The following CELF2 variants were observed in gnomAD, a reference collection of about 807,000 sequenced individuals.
CELF2 encodes CUGBP Elav-like family member 2.
Under a neutral mutation model 62.6 loss-of-function variants are expected in CELF2, and 8 were observed. The observed-to-expected ratio is 0.13, with a 90% confidence interval of 0.07 to 0.23. The LOEUF (loss-of-function observed/expected upper bound fraction) is 0.23, where lower values mean the gene tolerates loss of function less well. Ranked by LOEUF, CELF2 falls within the 10% of genes least tolerant of loss-of-function variation. The pLI, the probability that CELF2 is intolerant of heterozygous loss-of-function variation, is 1.00. For missense variants in CELF2, 333 were observed against 671.0 expected (o/e 0.50, Z 5.56); for synonymous variants, 258 against 250.0 (o/e 1.03, Z -0.30).
chr10:11,004,968 T>C, upstream of CELF2: 1 of 822,610 alleles, frequency 1.2e-6, no homozygotes, highest in Non-Finnish European at 1.5e-6. This position sits in a 1 kb window ranked among gnomAD's most constrained non-coding sequence, Gnocchi z 5.0. Context: ...AACTGGGAAA[T>C]TGGTTTTGCT....
the CELF2 span, among the ~76,000 whole-genome samples, chr10:10,589,271 A>G: frequency 6.6e-6 from 1 of 152,258 alleles, no homozygotes; most frequent in Non-Finnish European, 1.5e-5. Context: ...ATACAGGTTT[A>G]TGGAAGCCAA....
intron 8 of CELF2, 88 bp from the exon 9 acceptor site, chr10:11,288,330 T>A (rs1424428395): frequency 1.1e-5 from 17 of 1,528,296 alleles, no homozygotes; most frequent in Non-Finnish European, 1.5e-5. Context: ...TCATCATGTG[T>A]CCTGACGATT....
the CELF2 span, among the ~76,000 whole-genome samples, chr10:10,654,816 G>A: frequency 6.7e-6 from 1 of 150,244 alleles, no homozygotes; most frequent in Non-Finnish European, 1.5e-5. Flanking sequence ...CACAGGACAG[G>A]GATGCCCTCT....
intron 1 of CELF2, among the ~76,000 whole-genome samples, chr10:11,132,897 C>G (rs1241066049): frequency 6.6e-6 from 1 of 152,130 alleles, no homozygotes; most frequent in African/African-American, 2.4e-5. Flanking sequence ...GACCTCAAAA[C>G]AGGATAAATA....
At chr10:10,646,657 G>A in the CELF2 span, among the ~76,000 whole-genome samples, 156 of 152,270 alleles carry the variant, frequency 1.0e-3, no homozygotes, top group Middle Eastern at 3.4e-3. Context: ...ATTACTTCCT[G>A]AGTTTTGTTT....
chr10:10,648,731 TTA>T, the CELF2 span, among the ~76,000 whole-genome samples: 1 of 152,220 alleles, frequency 6.6e-6, no homozygotes, highest in Non-Finnish European at 1.5e-5. Flanking sequence ...ATTTTGTTTC[TTA>T]ATATCCAAGA....
intron 3 of CELF2, among the ~76,000 whole-genome samples, chr10:11,226,878 C>G (rs2066820269): frequency 6.6e-6 from 1 of 152,202 alleles, no homozygotes; most frequent in Non-Finnish European, 1.5e-5. Context: ...TATAAATGCA[C>G]CATCTTTCTT....
chr10:11,180,442 G>A (rs570577146), intron 2 of CELF2, among the ~76,000 whole-genome samples: 2 of 152,302 alleles, frequency 1.3e-5, no homozygotes, highest in Admixed American at 1.3e-4. Flanking sequence ...GATTCAGTGA[G>A]GTCGTGGAGG....
At chr10:10,481,548 C>A in the CELF2 span, among the ~76,000 whole-genome samples, 2,161 of 152,252 alleles carry the variant, frequency 0.014, 31 homozygotes, top group Non-Finnish European at 0.023. Flanking sequence ...CCCCTTGAAG[C>A]TGGATTATTT....
At chr10:11,258,631 G>A (rs1406442075) in intron 5 of CELF2, among the ~76,000 whole-genome samples, 1 of 152,202 alleles carries the variant, frequency 6.6e-6, no homozygotes, top group African/African-American at 2.4e-5. Flanking sequence ...AAAGGCTGAC[G>A]CTGGAGGTTG....
At chr10:11,141,030 T>C (rs1464383914) in intron 1 of CELF2, among the ~76,000 whole-genome samples, 4 of 152,188 alleles carry the variant, frequency 2.6e-5, no homozygotes, top group African/African-American at 9.7e-5. Context: ...AAATAAAGCA[T>C]AGTTGCTAAC....
intron 3 of CELF2, among the ~76,000 whole-genome samples, chr10:11,248,607 CA>C (rs1295389570): frequency 2.0e-5 from 3 of 152,208 alleles, no homozygotes; most frequent in African/African-American, 7.2e-5. Flanking sequence ...ATAGGATGGC[CA>C]GAAAAGTCTG....
intron 4 of CELF2, 160 bp from the exon 5 acceptor site, chr10:11,257,578 C>G (rs757038406): frequency 1.5e-6 from 1 of 648,108 alleles, no homozygotes. Flanking sequence ...CAGGGTGGGG[C>G]GCATGGAGGG....
At chr10:11,232,134 C>T (rs1232352671) in intron 3 of CELF2, among the ~76,000 whole-genome samples, 3 of 151,908 alleles carry the variant, frequency 2.0e-5, no homozygotes, top group Admixed American at 6.6e-5. Context: ...TAATGCTATC[C>T]CTCCCCTCTC....
chr10:11,198,829 C>T (rs770589037), intron 2 of CELF2, among the ~76,000 whole-genome samples: 9 of 152,146 alleles, frequency 5.9e-5, no homozygotes, highest in Non-Finnish European at 1.2e-4. Flanking sequence ...CAAAGATGTT[C>T]GTGGCAATCT....
chr10:11,055,112 T>C (rs1385478683), intron 1 of CELF2, among the ~76,000 whole-genome samples: 3 of 152,264 alleles, frequency 2.0e-5, no homozygotes, highest in African/African-American at 7.2e-5. Context: ...CTGTGTTTCA[T>C]GTGTTAATGT....
chr10:10,523,963 A>T, the CELF2 span, among the ~76,000 whole-genome samples: 1 of 152,200 alleles, frequency 6.6e-6, no homozygotes, highest in Admixed American at 6.5e-5. Flanking sequence ...AGCCAGCAAC[A>T]TTGCTACAAC....
intron 8 of CELF2, among the ~76,000 whole-genome samples, chr10:11,282,517 G>T (rs113190443): frequency 6.6e-6 from 1 of 152,218 alleles, no homozygotes; most frequent in East Asian, 1.9e-4. Flanking sequence ...CCTGGCACGC[G>T]CTTTGTTCTT....
At chr10:10,494,688 G>A in the CELF2 span, among the ~76,000 whole-genome samples, 1 of 152,042 alleles carries the variant, frequency 6.6e-6, no homozygotes, top group Non-Finnish European at 1.5e-5. Flanking sequence ...AGGGTTTTTT[G>A]AGCATCTGTT....
Sources: allele counts gnomAD v4.1 joint callset (sites outside exome capture counted in the v4.1 genomes callset), GRCh38; gene constraint gnomAD v4.1.1; non-coding constraint Gnocchi (gnomAD v3.1); transcripts MANE v1.5; gene names NCBI Gene and HGNC (gene_info 2026-07-23, HGNC 2026-07-21).